MMP27: variants seen among roughly 807,000 people sequenced by gnomAD.
The protein encoded by MMP27 is matrix metalloproteinase-27.
A neutral mutation model predicts 48.1 loss-of-function variants in MMP27; 51 were observed. The ratio of observed to expected loss-of-function variants is 1.06; its 90% CI spans 0.85 to 1.34. The LOEUF (loss-of-function observed/expected upper bound fraction) is 1.34, where lower values mean the gene tolerates loss of function less well. MMP27 is among the 40% of genes most tolerant of loss of function. MMP27 has a pLI of 0.00. For synonymous variants in MMP27, 229 were observed against 208.9 expected, an observed-to-expected ratio of 1.10 and a Z score of -0.83; for missense variants, 698 against 619.3, an observed-to-expected ratio of 1.13 and a Z score of -1.35.
chr11:102,702,455 T>C (rs1172107364), intron 4 of MMP27, among the ~76,000 whole-genome samples: 1 of 152,240 alleles, frequency 6.6e-6, no homozygotes, highest in Non-Finnish European at 1.5e-5. Flanking sequence ...AGGCTTACAC[T>C]TTTCTAGTAC....
chr11:102,693,408 T>A (rs940830213), intron 8 of MMP27, among the ~76,000 whole-genome samples: 8 of 152,134 alleles, frequency 5.3e-5, no homozygotes, highest in Non-Finnish European at 7.4e-5. Flanking sequence ...TCTTTTTTTT[T>A]AAATTGAAGG....
intron 7 of MMP27, among the ~76,000 whole-genome samples, chr11:102,694,667 G>T (rs1475533217): frequency 1.3e-5 from 2 of 151,968 alleles, no homozygotes; most frequent in African/African-American, 4.8e-5. Flanking sequence ...GCCAAATCTG[G>T]CAACCTTAGT....
intron 5 of MMP27, 28 bp downstream of exon 5, chr11:102,696,646 A>T: frequency 6.3e-7 from 1 of 1,590,690 alleles, no homozygotes; most frequent in Non-Finnish European, 8.5e-7. Context: ...TTTAGTTCAC[A>T]TATATTGAGA....
At position 102,691,895 on chromosome 11, in the gene MMP27, G is replaced by A; in HGVS notation, c.1413C>T (p.Ser471=). 1.9e-6 allele frequency: 3 copies of A among 1,613,414 alleles called. No individual in the cohort carries two copies. Among genetic ancestry groups the A allele is most frequent in the Non-Finnish European group, 2.5e-6 (3 of 1,179,696 alleles). Residue 471 remains serine (S), a synonymous_variant, in exon 10 of 10, where the codon TCC becomes TCT. Coordinates refer to ENST00000260229, the MANE Select transcript of MMP27 (RefSeq NM_022122.3). The part of the protein sequence containing the change: ...TWFQCKEPKN[S]SFGFDINKEK... ...CCTTGTTGATATCAAAACCAAATGA[G>A]GAGTTCTTTGGTTCTTTGCATTGAA... is the stretch of plus-strand genomic sequence containing the variant.
chr11:102,696,554 G>C, intron 5 of MMP27, 63 bp from the exon 6 acceptor site: 1 of 1,587,682 alleles, frequency 6.3e-7, no homozygotes, highest in Non-Finnish European at 8.6e-7. Context: ...GCCTACACAA[G>C]GGTCTTACCT....
At position 102,693,961 on chromosome 11, in the gene MMP27, C is replaced by T. The variant is rs202071510; in HGVS notation, c.1138G>A (p.Val380Ile). Residue 380 changes from valine to isoleucine, a missense_variant, in exon 8 of 10, where the codon GTC becomes ATC. Transcript: ENST00000260229. Reference protein sequence around the residue: ...PGRVKKIDAAVCDKTTRKTYF... With the variant: ...PGRVKKIDAAICDKTTRKTYF... ...GTTTTTCTTGTGGTCTTATCACAGA[C>T]GGCTGCATCTATTTTCTTCACACGT... is the stretch of plus-strand genomic sequence containing the variant. 6.1e-5 allele frequency: 98 copies of T among 1,611,536 alleles called. 1 individual carries two copies. The Admixed American group carries it at 1.1e-3, about 19-fold the overall frequency.
intron 8 of MMP27, 70 bp from the exon 9 acceptor site, chr11:102,693,111 A>G (rs776292700): frequency 1.8e-5 from 21 of 1,178,794 alleles, no homozygotes; most frequent in Non-Finnish European, 2.5e-5. Context: ...CTACCGCACA[A>G]CTTAGAGTCA....
intron 4 of MMP27, among the ~76,000 whole-genome samples, chr11:102,698,030 G>T (rs1218114611): frequency 6.6e-6 from 1 of 152,074 alleles, no homozygotes; most frequent in Non-Finnish European, 1.5e-5. Context: ...CCTCCTGAAG[G>T]GCCTGCCTGA....
In MMP27 at chr11:102,693,963, G is replaced by T. The variant is rs1357572236; in HGVS notation, c.1136C>A (p.Ala379Asp). ...FPGRVKKIDA[A>D]VCDKTTRKTY... ...TTTTCTTGTGGTCTTATCACAGACG[G>T]CTGCATCTATTTTCTTCACACGTCC... The change falls in exon 8 of 10, where the codon GCC becomes GAC. Residue 379 changes from alanine to aspartate, a missense_variant. Transcript: ENST00000260229. 3.1e-6 allele frequency: 5 copies of T among 1,611,890 alleles called. No individual in the cohort carries two copies. The highest frequency in any genetic ancestry group is 4.2e-6 in the Non-Finnish European group (5 of 1,178,888).
intron 4 of MMP27, among the ~76,000 whole-genome samples, chr11:102,699,461 C>A (rs539396777): frequency 2.6e-5 from 4 of 152,162 alleles, no homozygotes; most frequent in African/African-American, 7.2e-5. Context: ...GAGTGAGACC[C>A]GGTCTCAAAA....
intron 4 of MMP27, among the ~76,000 whole-genome samples, chr11:102,699,474 T>A (rs1860897347): frequency 7.7e-6 from 1 of 129,076 alleles, no homozygotes; most frequent in African/African-American, 2.9e-5. Flanking sequence ...TCTCAAAAAA[T>A]AAATAAATAA....
chr11:102,693,895 T>C lies in MMP27; in HGVS notation c.1193+11A>G, dbSNP rs1334461839. 13 of 1,582,756 alleles carry C rather than the reference T, an allele frequency of 8.2e-6. No individual in the cohort carries two copies. Among genetic ancestry groups the C allele is most frequent in the Non-Finnish European group, 1.1e-5 (13 of 1,166,718 alleles). On this transcript the variant is annotated intron_variant, in intron 8 of 9. Coordinates refer to ENST00000260229, the MANE Select transcript of MMP27 (RefSeq NM_022122.3). The stretch of plus-strand genomic sequence containing the variant: ...ATAATAAAACAAAGTGTCAATTGTC[T>C]GTAAACTTACCTCCAGCACCAAATG...
intron 4 of MMP27, among the ~76,000 whole-genome samples, chr11:102,698,729 T>C (rs1860880284): frequency 6.6e-6 from 1 of 152,212 alleles, no homozygotes; most frequent in South Asian, 2.1e-4. Flanking sequence ...TATGTCTTCA[T>C]ACCTTTGTCT....
chr11:102,704,779 ACC>A lies in MMP27; in HGVS notation c.103-6_103-5del. ...AGTAGAACTGGTTGAGATATGCCTG[ACC>A]AAAAAGATAAGAAAAAAAAAAAAGA... is the stretch of plus-strand genomic sequence containing the variant. On this transcript the variant is annotated splice_polypyrimidine_tract_variant and splice_region_variant and intron_variant, in intron 1 of 9. Coordinates refer to ENST00000260229, the MANE Select transcript of MMP27 (RefSeq NM_022122.3). 1 of 1,556,680 alleles carries A rather than the reference ACC, an allele frequency of 6.4e-7. No homozygotes were observed. The highest frequency in any genetic ancestry group is 8.8e-7 in the Non-Finnish European group (1 of 1,140,312).
At position 102,691,679 on chromosome 11, in the gene MMP27, A is replaced by G. The variant is rs1860725249; in HGVS notation, c.*87T>C. ...TTGGATATTTAGAACTAGGACCAGC[A>G]ACTTGTTGTTAAAGAATGGTTTTAT... On this transcript the variant is annotated 3_prime_UTR_variant, in exon 10 of 10. Transcript: ENST00000260229. 8.3e-7 allele frequency: 1 copy of G among 1,201,784 alleles called. No homozygotes were observed. Among genetic ancestry groups the G allele is most frequent in the Non-Finnish European group, 1.1e-6 (1 of 879,716 alleles). 74.4% of individuals were successfully genotyped at this position (1,201,784 alleles called of 1,614,324 possible). A position where few individuals can be genotyped will look rare whatever the true frequency, so the allele number is the denominator to read the frequency against.
chr11:102,696,584 G>T, intron 5 of MMP27, 90 bp downstream of exon 5: 1 of 1,570,848 alleles, frequency 6.4e-7, no homozygotes, highest in East Asian at 2.2e-5. Flanking sequence ...TTTGCTTCAT[G>T]ATAATATTTC....
At chr11:102,702,084 T>C (rs2134274505) in intron 4 of MMP27, among the ~76,000 whole-genome samples, 1 of 152,372 alleles carries the variant, frequency 6.6e-6, no homozygotes, top group East Asian at 1.9e-4. Flanking sequence ...TAGTACAGTT[T>C]GATATTTTTG....
chr11:102,705,099 A>T (rs1305656481), intron 1 of MMP27, among the ~76,000 whole-genome samples: 6 of 152,200 alleles, frequency 3.9e-5, no homozygotes, highest in Admixed American at 3.9e-4. Context: ...CCTATCTTAC[A>T]TATTTTTGCT....
In MMP27 at chr11:102,692,919, G is replaced by C. The variant is rs1263314216; in HGVS notation, c.1297+19C>G. The C allele has an allele frequency of 6.3e-7, 1 of 1,590,216 alleles. No individual in the cohort carries two copies. The highest frequency in any genetic ancestry group is 1.3e-5 in the African/African-American group (1 of 74,448). ...CACAGTCTCTCAAGTATCCCAATAA[G>C]TGAGACATCCATGCTTACCTTTGTA... On this transcript the variant is annotated intron_variant, in intron 9 of 9. Coordinates refer to ENST00000260229, the MANE Select transcript of MMP27 (RefSeq NM_022122.3).
Sources: allele counts gnomAD v4.1 joint callset (sites outside exome capture counted in the v4.1 genomes callset), GRCh38; gene constraint gnomAD v4.1.1; transcripts MANE v1.5; gene names NCBI Gene and HGNC (gene_info 2026-07-23, HGNC 2026-07-21).